The following ITGBL1 variants were observed in gnomAD, a reference collection of about 807,000 sequenced individuals.
ITGBL1 encodes integrin beta-like protein 1.
ITGBL1 carries 51 observed loss-of-function variants against 68.5 expected under a neutral mutation model. That is an observed-to-expected ratio of 0.74 (90% CI 0.59 to 0.94). The LOEUF (loss-of-function observed/expected upper bound fraction) is 0.94. Ranked by LOEUF, ITGBL1 falls within the 40% of genes least tolerant of loss-of-function variation. The pLI, the probability that ITGBL1 is intolerant of heterozygous loss-of-function variation, is 0.00. For missense variants in ITGBL1, 649 were observed against 647.4 expected, an observed-to-expected ratio of 1.00 and a Z score of -0.03; for synonymous variants, 209 against 227.3, an observed-to-expected ratio of 0.92 and a Z score of 0.72.
intron 7 of ITGBL1, among the ~76,000 whole-genome samples, chr13:101,622,983 GATA>G (rs1484160114): frequency 6.6e-6 from 1 of 151,370 alleles, no homozygotes; most frequent in Non-Finnish European, 1.5e-5. Flanking sequence ...GACAATTGCA[GATA>G]ATATGAGAAC....
chr13:101,477,041 A>T (rs1356365009), intron 2 of ITGBL1, among the ~76,000 whole-genome samples: 1 of 152,158 alleles, frequency 6.6e-6, no homozygotes, highest in East Asian at 1.9e-4. Flanking sequence ...CAAAGTGCAC[A>T]TGCTTCTCCT....
At chr13:101,676,094 G>T (rs2033495361) in intron 7 of ITGBL1, among the ~76,000 whole-genome samples, 1 of 151,992 alleles carries the variant, frequency 6.6e-6, no homozygotes, top group Non-Finnish European at 1.5e-5. Context: ...AATGACTGAT[G>T]ATTTAAGTTT....
At chr13:101,571,832 CCTT>C (rs2050278018) in intron 3 of ITGBL1, among the ~76,000 whole-genome samples, 1 of 152,074 alleles carries the variant, frequency 6.6e-6, no homozygotes, top group South Asian at 2.1e-4. Context: ...TCATAGAAAT[CCTT>C]CTCTTTATTT....
intron 2 of ITGBL1, among the ~76,000 whole-genome samples, chr13:101,541,748 C>A (rs555502606): frequency 2.8e-4 from 43 of 152,144 alleles, no homozygotes; most frequent in African/African-American, 9.9e-4. Flanking sequence ...TTATTGGTCT[C>A]TTCAGAGATT....
At chr13:101,717,653 G>A (rs2034776038), downstream of ITGBL1, 1 of 149,854 alleles carries the variant, frequency 6.7e-6, no homozygotes, top group African/African-American at 2.4e-5. Context: ...GTACGTCCCT[G>A]TCTCATATTC....
intron 6 of ITGBL1, among the ~76,000 whole-genome samples, chr13:101,595,902 G>A (rs141718878): frequency 6.6e-6 from 1 of 152,254 alleles, no homozygotes; most frequent in African/African-American, 2.4e-5. Context: ...GGTCACTGCA[G>A]CATTACTCCT....
intron 2 of ITGBL1, among the ~76,000 whole-genome samples, chr13:101,544,769 G>A (rs894047462): frequency 2.6e-5 from 4 of 152,184 alleles, no homozygotes; most frequent in Non-Finnish European, 5.9e-5. Flanking sequence ...ACCCCTCCCC[G>A]AGCCTTGCTG....
intron 2 of ITGBL1, among the ~76,000 whole-genome samples, chr13:101,475,828 C>G (rs1414451568): frequency 6.6e-6 from 1 of 151,930 alleles, no homozygotes; most frequent in Non-Finnish European, 1.5e-5. Context: ...TGGGGAACAA[C>G]TTTTATCCTA....
In ITGBL1 at chr13:101,604,845, AATATATATATATATAT is replaced by A. The variant is rs1555361671; in HGVS notation, c.1015+6574_1015+6589del. 5.1e-4 allele frequency among the ~76,000 whole-genome samples: 15 copies of A among 29,368 alleles called. 2 individuals are homozygous for A. Among genetic ancestry groups the A allele is most frequent in the Admixed American group, 1.3e-3 (2 of 1,528 alleles). The allele number at this position is 29,368 out of a possible 152,430, so 19.3% of individuals were successfully genotyped here. On this transcript the variant is annotated intron_variant, in intron 7 of 10. Coordinates refer to ENST00000376180, the MANE Select transcript of ITGBL1 (RefSeq NM_004791.3). Reference sequence around the variant, plus strand: ...AGTTTGTCAGGGACCAGGTGAAGGCAATATATATATATATATATATATATATATATATATATATATA... The same window carrying A: ...AGTTTGTCAGGGACCAGGTGAAGGCAATATATATATATATATATATATATA...
At chr13:101,523,076 T>G (rs551334225) in intron 2 of ITGBL1, among the ~76,000 whole-genome samples, 70 of 152,348 alleles carry the variant, frequency 4.6e-4, no homozygotes, top group African/African-American at 1.6e-3. Flanking sequence ...TGCTGCTTTA[T>G]GAAAATTCAA....
chr13:101,591,307 T>C (rs2050650612), intron 6 of ITGBL1, among the ~76,000 whole-genome samples: 3 of 152,126 alleles, frequency 2.0e-5, no homozygotes. Context: ...ATTCCCATAC[T>C]GTAAAGTCTA....
intron 2 of ITGBL1, among the ~76,000 whole-genome samples, chr13:101,462,990 C>G (rs1167788143): frequency 6.6e-6 from 1 of 152,124 alleles, no homozygotes; most frequent in African/African-American, 2.4e-5. Flanking sequence ...TTGTCACTTG[C>G]CCACTGTGGA....
chr13:101,696,086 G>A (rs2033995781), intron 8 of ITGBL1, among the ~76,000 whole-genome samples: 1 of 148,174 alleles, frequency 6.7e-6, no homozygotes, highest in South Asian at 2.2e-4. Context: ...TCATCTCTGT[G>A]CATATGGGCT....
intron 7 of ITGBL1, among the ~76,000 whole-genome samples, chr13:101,667,480 GAA>G (rs201436078): frequency 5.7e-5 from 8 of 139,776 alleles, no homozygotes; most frequent in East Asian, 4.2e-4. Context: ...TTAACACTGA[GAA>G]AAAAAAAAAG....
intron 5 of ITGBL1, among the ~76,000 whole-genome samples, chr13:101,579,989 C>G (rs944739867): frequency 1.7e-4 from 26 of 152,088 alleles, no homozygotes; most frequent in Non-Finnish European, 3.4e-4. Context: ...AGGAAGTTAA[C>G]AAATATATTA....
intron 6 of ITGBL1, among the ~76,000 whole-genome samples, chr13:101,585,504 C>T (rs1297661983): frequency 6.6e-6 from 1 of 152,162 alleles, no homozygotes; most frequent in African/African-American, 2.4e-5. Flanking sequence ...GATCTCAGCT[C>T]ACTGCGAGCT....
chr13:101,539,347 C>G (rs1404749279), intron 2 of ITGBL1, among the ~76,000 whole-genome samples: 5 of 151,980 alleles, frequency 3.3e-5, no homozygotes, highest in South Asian at 2.1e-4. Flanking sequence ...ATGATGGTTT[C>G]CAGCTTCATC....
At chr13:101,489,557 T>A (rs899762043) in intron 2 of ITGBL1, among the ~76,000 whole-genome samples, 1 of 152,168 alleles carries the variant, frequency 6.6e-6, no homozygotes, top group South Asian at 2.1e-4. Context: ...GCTGACATAG[T>A]TGAATATATA....
chr13:101,506,228 G>T (rs2049024812), intron 2 of ITGBL1, among the ~76,000 whole-genome samples: 3 of 152,194 alleles, frequency 2.0e-5, no homozygotes, highest in Admixed American at 6.5e-5. Flanking sequence ...AACTTAGTTT[G>T]ATTTAGGACA....
Sources: gnomAD v4.1 joint callset for allele counts (sites outside exome capture counted in the v4.1 genomes callset) on GRCh38, gnomAD v4.1.1 for gene constraint, MANE v1.5 for transcripts, NCBI Gene and HGNC (gene_info 2026-07-23, HGNC 2026-07-21) for gene names.